The following STARD13 variants were observed in gnomAD, a reference collection of about 807,000 sequenced individuals.
The protein encoded by STARD13 is StAR related lipid transfer domain containing 13.
STARD13 carries 62 observed loss-of-function variants against 106.4 expected under a neutral mutation model. The observed-to-expected ratio is 0.58, with a 90% CI of 0.48 to 0.72. STARD13 has a LOEUF of 0.72. Ranked by LOEUF, STARD13 falls within the 30% of genes least tolerant of loss-of-function variation. STARD13 has a pLI of 0.00. For synonymous variants in STARD13, 565 were observed against 553.0 expected (o/e 1.02, Z -0.31); for missense variants, 1,387 against 1,424.0 (o/e 0.97, Z 0.42).
chr13:33,126,827 A>G (rs527894556), intron 6 of STARD13, among the ~76,000 whole-genome samples: 61 of 152,158 alleles, frequency 4.0e-4, no homozygotes, highest in Non-Finnish European at 7.2e-4. Flanking sequence ...CACATTTTGT[A>G]TTTTTTCAAA....
chr13:33,673,306 G>C, the STARD13 span, among the ~76,000 whole-genome samples: 1 of 151,940 alleles, frequency 6.6e-6, no homozygotes, highest in Admixed American at 6.6e-5. Context: ...GTGATTCTAG[G>C]GCTGTGAGTA....
the STARD13 span, among the ~76,000 whole-genome samples, chr13:33,398,666 T>C: frequency 2.6e-5 from 4 of 152,174 alleles, no homozygotes; most frequent in East Asian, 3.9e-4. Flanking sequence ...AAACAGAAGA[T>C]ATGCAAATAA....
At chr13:33,131,503 A>T (rs1878290219) in intron 4 of STARD13, among the ~76,000 whole-genome samples, 1 of 151,716 alleles carries the variant, frequency 6.6e-6, no homozygotes, top group African/African-American at 2.4e-5. Flanking sequence ...AGGTGAAGTC[A>T]TCAAGAGCCG....
intron 1 of STARD13, among the ~76,000 whole-genome samples, chr13:33,331,514 G>A (rs995836660): frequency 3.3e-5 from 4 of 122,752 alleles, no homozygotes; most frequent in East Asian, 4.4e-4. Context: ...CACCATGCCT[G>A]GCTGATTTTG....
At chr13:33,299,678 C>T (rs1397844158) in intron 1 of STARD13, among the ~76,000 whole-genome samples, 1 of 152,166 alleles carries the variant, frequency 6.6e-6, no homozygotes, top group Non-Finnish European at 1.5e-5. Flanking sequence ...TCCATCTGCA[C>T]TGTCCTTTTA....
At chr13:33,479,258 C>T in the STARD13 span, among the ~76,000 whole-genome samples, 1 of 152,140 alleles carries the variant, frequency 6.6e-6, no homozygotes, top group African/African-American at 2.4e-5. Flanking sequence ...AGGAAAGAGG[C>T]ACTTGATGCA....
chr13:33,438,363 A>G, the STARD13 span, among the ~76,000 whole-genome samples: 2 of 152,198 alleles, frequency 1.3e-5, no homozygotes, highest in African/African-American at 4.8e-5. Context: ...TCAACAAGAG[A>G]GACGAAGCAC....
the STARD13 span, among the ~76,000 whole-genome samples, chr13:33,561,595 A>C: frequency 8.3e-6 from 1 of 120,266 alleles, no homozygotes; most frequent in African/African-American, 3.0e-5. Context: ...GAAATTCTTT[A>C]CTGCCTCTGC....
chr13:33,213,593 C>T (rs1036650937), intron 1 of STARD13, among the ~76,000 whole-genome samples: 1 of 152,174 alleles, frequency 6.6e-6, no homozygotes, highest in East Asian at 1.9e-4. Context: ...ATTCAACAGC[C>T]GCAGACCAGG....
the STARD13 span, among the ~76,000 whole-genome samples, chr13:33,441,694 G>A: frequency 6.6e-6 from 1 of 152,216 alleles, no homozygotes; most frequent in African/African-American, 2.4e-5. Flanking sequence ...ACAAGAGTCA[G>A]TCAGGAAAGA....
chr13:33,198,647 T>C (rs1886806760), intron 1 of STARD13, among the ~76,000 whole-genome samples: 1 of 152,200 alleles, frequency 6.6e-6, no homozygotes, highest in Non-Finnish European at 1.5e-5. Flanking sequence ...ACTCTCTGTC[T>C]TCTCCACAAG....
upstream of STARD13, among the ~76,000 whole-genome samples, chr13:33,289,478 A>G: frequency 6.6e-6 from 1 of 152,156 alleles, no homozygotes; most frequent in East Asian, 1.9e-4. Context: ...GGAGGCTAAG[A>G]TTCACAGAAG....
chr13:33,647,430 G>A, the STARD13 span, among the ~76,000 whole-genome samples: 1 of 152,150 alleles, frequency 6.6e-6, no homozygotes, highest in African/African-American at 2.4e-5. Context: ...TGTCCTGGAT[G>A]ACTGTCTAGT....
chr13:33,368,611 T>C, the STARD13 span, among the ~76,000 whole-genome samples: 2 of 152,118 alleles, frequency 1.3e-5, no homozygotes, highest in Non-Finnish European at 2.9e-5. Context: ...ATCTACTATA[T>C]CCTGGGCTCT....
chr13:33,367,602 ATTTG>A, the STARD13 span, among the ~76,000 whole-genome samples: 2 of 152,064 alleles, frequency 1.3e-5, no homozygotes, highest in African/African-American at 4.8e-5. Context: ...TTTCATAGCC[ATTTG>A]TTTAATTCTT....
At chr13:33,638,713 G>A in the STARD13 span, among the ~76,000 whole-genome samples, 1 of 152,190 alleles carries the variant, frequency 6.6e-6, no homozygotes, top group Non-Finnish European at 1.5e-5. Flanking sequence ...AAGGAGGAAG[G>A]CATAATGAGG....
the STARD13 span, among the ~76,000 whole-genome samples, chr13:33,643,881 T>C: frequency 1.3e-5 from 2 of 152,162 alleles, no homozygotes; most frequent in Non-Finnish European, 2.9e-5. Flanking sequence ...TGAGAGAGGC[T>C]GGATGGGGAG....
At chr13:33,125,269 G>A (rs531830) in intron 7 of STARD13, among the ~76,000 whole-genome samples, 82,364 of 152,046 alleles carry the variant, frequency 0.54, 23,510 homozygotes, top group Non-Finnish European at 0.63. Flanking sequence ...TGATGAACAG[G>A]GACTATTACA....
chr13:33,642,200 T>A, the STARD13 span, among the ~76,000 whole-genome samples: 37 of 152,316 alleles, frequency 2.4e-4, no homozygotes, highest in Admixed American at 7.2e-4. Flanking sequence ...GAGAAAAGGA[T>A]AACAGTCTAG....
Sources: gnomAD v4.1 joint callset for allele counts (sites outside exome capture counted in the v4.1 genomes callset) on GRCh38, gnomAD v4.1.1 for gene constraint, MANE v1.5 for transcripts, NCBI Gene and HGNC (gene_info 2026-07-23, HGNC 2026-07-21) for gene names.